Variants in ALK observed in about 807,000 individuals in gnomAD.
ALK encodes the protein ALK receptor tyrosine kinase, also known as ALK tyrosine kinase receptor.
A neutral mutation model predicts 163.1 loss-of-function variants in ALK; 74 were observed. The ratio of observed to expected loss-of-function variants is 0.45; its 90% CI spans 0.38 to 0.55. ALK has a LOEUF of 0.55. ALK is among the 20% of genes least tolerant of loss of function. ALK has a pLI of 0.00. For synonymous variants in ALK, 960 were observed against 843.2 expected (o/e 1.14, Z -2.40); for missense variants, 2,063 against 2,105.3 (o/e 0.98, Z 0.39).
At chr2:29,791,124 C>T (rs1409265657) in intron 1 of ALK, among the ~76,000 whole-genome samples, 1 of 152,182 alleles carries the variant, frequency 6.6e-6, no homozygotes, top group Non-Finnish European at 1.5e-5. Flanking sequence ...ATTTAGTTTC[C>T]TATCTCTGTA....
At chr2:29,254,820 T>C (rs1353380058) in intron 11 of ALK, among the ~76,000 whole-genome samples, 3 of 152,216 alleles carry the variant, frequency 2.0e-5, no homozygotes, top group Admixed American at 6.5e-5. Context: ...AATCTCAAAA[T>C]TTATGTCCTC....
intron 1 of ALK, among the ~76,000 whole-genome samples, chr2:29,778,410 G>A (rs191027035): frequency 2.0e-5 from 3 of 152,262 alleles, no homozygotes; most frequent in Admixed American, 6.5e-5. Flanking sequence ...ACTAAATTTC[G>A]GTTCAAATGC....
At position 29,676,774 on chromosome 2, in the gene ALK, T is replaced by A. The variant is rs957391844; in HGVS notation, c.952+18076A>T. Among the ~76,000 whole-genome samples the A allele has an allele frequency of 5.3e-5, 8 of 152,144 alleles. 1 individual carries two copies. The South Asian group carries it at 1.7e-3, about 32-fold the overall frequency. On this transcript the variant is annotated intron_variant, in intron 3 of 28. Coordinates refer to ENST00000389048, the MANE Select transcript of ALK (RefSeq NM_004304.5). ...TATTGATATTTTCAATTCCAAAATG[T>A]AATGTCTCTTTTTTTAATTTATATT... is the stretch of plus-strand genomic sequence containing the variant.
At chr2:29,357,277 T>C (rs562391077) in intron 5 of ALK, among the ~76,000 whole-genome samples, 1 of 152,306 alleles carries the variant, frequency 6.6e-6, no homozygotes, top group South Asian at 2.1e-4. Flanking sequence ...CACTAGTTAG[T>C]TCTTTGCCCT....
At chr2:29,208,020 T>C (rs1330441338) in intron 25 of ALK, 1 of 450,330 alleles carries the variant, frequency 2.2e-6, no homozygotes, top group Non-Finnish European at 4.5e-6. Context: ...AAATAAGTAC[T>C]GAATATTTAG....
chr2:29,530,666 C>T (rs1217089079), intron 4 of ALK, among the ~76,000 whole-genome samples: 4 of 152,242 alleles, frequency 2.6e-5, no homozygotes, highest in Admixed American at 6.5e-5. Flanking sequence ...AGGCTTCTTA[C>T]TGGAAAGAGA....
intron 4 of ALK, among the ~76,000 whole-genome samples, chr2:29,442,159 C>A (rs1306078168): frequency 6.6e-6 from 1 of 152,090 alleles, no homozygotes; most frequent in Non-Finnish European, 1.5e-5. Flanking sequence ...CCATTATAAT[C>A]CTCGTGATAA....
At chr2:29,560,628 G>T (rs1573456544) in intron 3 of ALK, among the ~76,000 whole-genome samples, 1 of 151,388 alleles carries the variant, frequency 6.6e-6, no homozygotes, top group Admixed American at 6.6e-5. Flanking sequence ...CTGGAGTGCA[G>T]TGGCATAATT....
intron 1 of ALK, among the ~76,000 whole-genome samples, chr2:29,861,146 T>C (rs143614136): frequency 6.8e-4 from 103 of 152,308 alleles, no homozygotes; most frequent in Non-Finnish European, 1.4e-3. Context: ...CACTCCAGCC[T>C]GAGCGACAGC....
At chr2:29,547,053 AT>A (rs1032460602) in intron 3 of ALK, among the ~76,000 whole-genome samples, 8 of 152,038 alleles carry the variant, frequency 5.3e-5, no homozygotes, top group Non-Finnish European at 8.8e-5. Context: ...ATTCCTCTTC[AT>A]TTTTCGGAAG....
chr2:29,825,966 T>C (rs891361710), intron 1 of ALK, among the ~76,000 whole-genome samples: 8 of 152,200 alleles, frequency 5.3e-5, no homozygotes, highest in African/African-American at 1.7e-4. Context: ...TCTGGTAGCA[T>C]GACTGACAGT....
intron 4 of ALK, among the ~76,000 whole-genome samples, chr2:29,487,397 AC>A (rs1671802291): frequency 2.6e-5 from 4 of 152,218 alleles, no homozygotes; most frequent in Admixed American, 2.0e-4. Context: ...TTCACTCTAG[AC>A]AATAAGGAGA....
chr2:29,903,427 G>A (rs1444630495), intron 1 of ALK, among the ~76,000 whole-genome samples: 2 of 151,848 alleles, frequency 1.3e-5, no homozygotes, highest in Admixed American at 6.6e-5. Context: ...CGCCTACTAC[G>A]TCCCTCATCT....
At chr2:29,199,772 A>G (rs1042544858) in intron 26 of ALK, among the ~76,000 whole-genome samples, 1 of 151,488 alleles carries the variant, frequency 6.6e-6, no homozygotes. Flanking sequence ...ATCACCTTTG[A>G]TATTTTGATT....
At chr2:29,904,458 GAGAT>G (rs1667488278) in intron 1 of ALK, among the ~76,000 whole-genome samples, 1 of 152,070 alleles carries the variant, frequency 6.6e-6, no homozygotes, top group South Asian at 2.1e-4. Context: ...CAGCAAAAAT[GAGAT>G]AGAAAGGAAG....
rs193174962 is a variant in ALK at position 29,260,382 on chromosome 2, C to T, written c.2042-9115G>A. On this transcript the variant is annotated intron_variant, in intron 11 of 28. Coordinates refer to ENST00000389048, the MANE Select transcript of ALK (RefSeq NM_004304.5). ...GGCGTGTTATTCCGCCCTCTGTATC[C>T]TGTTTTTGTTTTCTTATTTTAATTT... Among the ~76,000 whole-genome samples the T allele has an allele frequency of 2.0e-4, 30 of 152,238 alleles. No homozygotes were observed. In the East Asian group the frequency reaches 5.0e-3, roughly 25 times the overall value.
At chr2:29,821,242 C>T (rs1665040090) in intron 1 of ALK, among the ~76,000 whole-genome samples, 1 of 152,102 alleles carries the variant, frequency 6.6e-6, no homozygotes, top group Admixed American at 6.5e-5. Flanking sequence ...CCATCTTCTC[C>T]TACCCTCGGT....
At chr2:29,868,102 T>G (rs1018011415) in intron 1 of ALK, among the ~76,000 whole-genome samples, 1 of 151,568 alleles carries the variant, frequency 6.6e-6, no homozygotes, top group South Asian at 2.1e-4. Flanking sequence ...ACGAAAGAGG[T>G]AGTGATGAGC....
rs557363915 is a variant in ALK, at chr2:29,197,477, C to G, written c.4073+65G>C. On this transcript the variant is annotated intron_variant, in intron 27 of 28. Coordinates refer to ENST00000389048, the MANE Select transcript of ALK (RefSeq NM_004304.5). ...TCATCTTAAAGAAGCATATGTGGCT[C>G]TGGATATTTTTTGAAAAGAAAAACT... 6.2e-6 allele frequency: 10 copies of G among 1,605,920 alleles called. No homozygotes were observed. In the African/African-American group the frequency reaches 1.2e-4, roughly 19 times the overall value.
Sources: gnomAD v4.1 joint callset for allele counts (sites outside exome capture counted in the v4.1 genomes callset) on GRCh38, gnomAD v4.1.1 for gene constraint, MANE v1.5 for transcripts, NCBI Gene and HGNC (gene_info 2026-07-23, HGNC 2026-07-21) for gene names.